The following UPP2 variants were observed in gnomAD, a reference collection of about 807,000 sequenced individuals.
The protein encoded by UPP2 is uridine phosphorylase 2, also known as UPase 2.
A neutral mutation model predicts 26.7 loss-of-function variants in UPP2; 23 were observed. The observed-to-expected ratio is 0.86, with a 90% CI of 0.62 to 1.22. The LOEUF (loss-of-function observed/expected upper bound fraction) is 1.22. Among genes scored for constraint, UPP2 ranks in the 50% most tolerant of loss-of-function variants. The probability of loss-of-function intolerance (pLI) is 0.00; values close to 1 mark genes in which losing one functional copy is unlikely to be tolerated. For synonymous variants in UPP2, 127 were observed against 141.3 expected, an observed-to-expected ratio of 0.90 and a Z score of 0.72; for missense variants, 387 against 396.7, an observed-to-expected ratio of 0.98 and a Z score of 0.21.
chr2:158,115,530 C>T (rs1558936710), intron 3 of UPP2, among the ~76,000 whole-genome samples: 1 of 152,140 alleles, frequency 6.6e-6, no homozygotes, highest in African/African-American at 2.4e-5. Context: ...AACTGGTTAA[C>T]ACCCCTCACC....
intron 3 of UPP2, among the ~76,000 whole-genome samples, chr2:158,036,607 G>C (rs775430680): frequency 1.3e-5 from 2 of 152,200 alleles, no homozygotes; most frequent in Non-Finnish European, 2.9e-5. Context: ...TCGTTCATAA[G>C]CTGGTGTAAG....
intron 3 of UPP2, among the ~76,000 whole-genome samples, chr2:158,023,413 T>C (rs776150608): frequency 1.3e-5 from 2 of 152,226 alleles, no homozygotes; most frequent in Admixed American, 1.3e-4. Context: ...TGGACTCCCA[T>C]GATCACTTCT....
intron 2 of UPP2, among the ~76,000 whole-genome samples, chr2:158,009,800 T>A (rs1368206595): frequency 6.6e-6 from 1 of 152,238 alleles, no homozygotes; most frequent in African/African-American, 2.4e-5. Flanking sequence ...TCCTGCGGGC[T>A]GCCTTCTGTG....
chr2:158,101,744 A>T, upstream of UPP2: 1 of 725,044 alleles, frequency 1.4e-6, no homozygotes, highest in Non-Finnish European at 1.8e-6. Flanking sequence ...ACCAATAGTT[A>T]ACAAGCTAAC....
intron 3 of UPP2, among the ~76,000 whole-genome samples, chr2:158,078,921 T>C (rs1253134646): frequency 2.0e-5 from 3 of 152,092 alleles, no homozygotes; most frequent in African/African-American, 7.2e-5. Context: ...TCCACCCAAA[T>C]CTCACCTCGA....
At chr2:158,021,767 C>T (rs902452824) in intron 3 of UPP2, among the ~76,000 whole-genome samples, 3 of 152,120 alleles carry the variant, frequency 2.0e-5, no homozygotes, top group Non-Finnish European at 2.9e-5. Context: ...TAGTATTATA[C>T]TATCATCATA....
intron 6 of UPP2, chr2:158,126,902 TC>T (rs1309156880): frequency 6.6e-6 from 1 of 152,260 alleles, no homozygotes; most frequent in East Asian, 1.9e-4. Flanking sequence ...CAGACAGCCT[TC>T]TGACACCTCT....
upstream of UPP2, among the ~76,000 whole-genome samples, chr2:158,097,648 G>T (rs1173764804): frequency 6.6e-6 from 1 of 152,102 alleles, no homozygotes; most frequent in Non-Finnish European, 1.5e-5. Context: ...TCCTCCCCAG[G>T]GCCTCAGCAT....
At chr2:158,075,347 T>A (rs1338711482) in intron 3 of UPP2, among the ~76,000 whole-genome samples, 2 of 152,030 alleles carry the variant, frequency 1.3e-5, no homozygotes, top group African/African-American at 4.8e-5. Flanking sequence ...GTAATAAAAA[T>A]GTGAATGTTT....
chr2:158,000,518 C>T (rs1172598171), intron 2 of UPP2, among the ~76,000 whole-genome samples: 36 of 152,250 alleles, frequency 2.4e-4, no homozygotes, highest in Admixed American at 2.4e-3. Context: ...TATCCCTTTT[C>T]TCTCTCTCCT....
At chr2:158,079,128 G>A (rs1318729021) in intron 3 of UPP2, among the ~76,000 whole-genome samples, 1 of 152,012 alleles carries the variant, frequency 6.6e-6, no homozygotes, top group East Asian at 1.9e-4. Flanking sequence ...ATGATTGTAA[G>A]TTTCCTGAGG....
At chr2:158,033,141 G>A (rs763213637) in intron 3 of UPP2, among the ~76,000 whole-genome samples, 1 of 152,138 alleles carries the variant, frequency 6.6e-6, no homozygotes, top group African/African-American at 2.4e-5. Context: ...ATTCTGGCCT[G>A]AAGCATACTG....
At chr2:158,097,534 C>A (rs984864635), upstream of UPP2, among the ~76,000 whole-genome samples, 1 of 152,094 alleles carries the variant, frequency 6.6e-6, no homozygotes, top group South Asian at 2.1e-4. Flanking sequence ...TTTTGTATTT[C>A]TAAATCTCAT....
At chr2:158,010,147 C>G (rs1225840441) in intron 2 of UPP2, among the ~76,000 whole-genome samples, 1 of 152,098 alleles carries the variant, frequency 6.6e-6, no homozygotes, top group Non-Finnish European at 1.5e-5. Flanking sequence ...TATGTTATGG[C>G]TTTTCATCGA....
At chr2:158,047,984 A>G (rs1391601928) in intron 3 of UPP2, among the ~76,000 whole-genome samples, 1 of 151,924 alleles carries the variant, frequency 6.6e-6, no homozygotes, top group Non-Finnish European at 1.5e-5. Context: ...TACAGTGAGC[A>G]GTCCTGAGCA....
chr2:158,047,233 T>A (rs1684168653), intron 3 of UPP2, among the ~76,000 whole-genome samples: 1 of 152,228 alleles, frequency 6.6e-6, no homozygotes, highest in African/African-American at 2.4e-5. Context: ...CTCCACATGT[T>A]CACACAGCGG....
intron 3 of UPP2, among the ~76,000 whole-genome samples, chr2:158,077,299 A>T (rs1558923152): frequency 6.6e-6 from 1 of 152,060 alleles, no homozygotes; most frequent in East Asian, 1.9e-4. Flanking sequence ...CAATCCTAGA[A>T]CTTATATGAA....
chr2:158,045,758 A>C (rs1196272134), intron 3 of UPP2, among the ~76,000 whole-genome samples: 1 of 152,168 alleles, frequency 6.6e-6, no homozygotes, highest in African/African-American at 2.4e-5. Context: ...ACAACCCTTT[A>C]GGAAGGGTTA....
intron 6 of UPP2, among the ~76,000 whole-genome samples, chr2:158,124,944 T>A (rs1241193438): frequency 6.6e-6 from 1 of 152,114 alleles, no homozygotes; most frequent in Non-Finnish European, 1.5e-5. Flanking sequence ...GACATAAAAT[T>A]CTAAGTTGAA....
Sources: allele counts gnomAD v4.1 joint callset (sites outside exome capture counted in the v4.1 genomes callset), GRCh38; gene constraint gnomAD v4.1.1; transcripts MANE v1.5; gene names NCBI Gene and HGNC (gene_info 2026-07-23, HGNC 2026-07-21).